ORC1: variants seen among roughly 807,000 people sequenced by gnomAD.
The protein encoded by ORC1 is origin recognition complex subunit 1.
ORC1 carries 61 observed loss-of-function variants against 98.9 expected under a neutral mutation model. The observed-to-expected ratio is 0.62, with a 90% confidence interval of 0.50 to 0.76. ORC1 has a LOEUF of 0.76. Among genes scored for constraint, ORC1 ranks in the 30% least tolerant of loss-of-function variants. ORC1 has a pLI of 0.00. For missense variants in ORC1, 979 were observed against 1,072.2 expected (o/e 0.91, Z 1.21); for synonymous variants, 385 against 406.9 (o/e 0.95, Z 0.65).
At chr1:52,409,408 T>C (rs1157929130), upstream of ORC1, 2 of 152,276 alleles carry the variant, frequency 1.3e-5, no homozygotes, top group East Asian at 3.9e-4. Flanking sequence ...GTCAGGAGTT[T>C]GAGACCAGCC....
intron 4 of ORC1, 117 bp from the exon 5 acceptor site, chr1:52,396,481 C>A: frequency 7.9e-7 from 1 of 1,258,288 alleles, no homozygotes; most frequent in Admixed American, 1.9e-5. Context: ...AAAATGTTAC[C>A]TTTCCAATCT....
In ORC1 at chr1:52,374,812, G is replaced by C; in HGVS notation, c.2389C>G (p.Gln797Glu). 1 of 1,606,838 alleles carries C rather than the reference G, an allele frequency of 6.2e-7. No homozygotes were observed. The highest frequency in any genetic ancestry group is 8.5e-7 in the Non-Finnish European group (1 of 1,173,312). ...ATTTGAAAAGAGGAGGAGATCACCT[G>C]TTGAAACGTGGCTTCCTCCAGTCCT... is the stretch of plus-strand genomic sequence containing the variant. ...RSGLEEATFQ[Q>E]IYSQHVALCR... The change falls in exon 16 of 17, where the codon CAG becomes GAG. Residue 797 changes from glutamine to glutamate, a missense_variant and splice_region_variant. By Grantham distance (29) the Gln-to-Glu change is conservative (BLOSUM62 2). Coordinates refer to ENST00000371568, the MANE Select transcript of ORC1 (RefSeq NM_004153.4).
chr1:52,408,886 C>A, upstream of ORC1: 1 of 533,004 alleles, frequency 1.9e-6, no homozygotes, highest in Non-Finnish European at 3.2e-6. Context: ...CCTTACCCAG[C>A]CTGCCTCTGT....
rs367621213 is a variant in ORC1, at chr1:52,401,394, T to C, written c.191A>G (p.Tyr64Cys). The C allele has an allele frequency of 3.7e-6, 6 of 1,613,862 alleles. No homozygotes were observed. Among genetic ancestry groups the C allele is most frequent in the East Asian group, 2.2e-5 (1 of 44,872 alleles). Residue 64 changes from tyrosine to cysteine, a missense_variant, in exon 3 of 17, where the codon TAT (tyrosine) becomes TGT (cysteine). Transcript: ENST00000371568. ...LIEGDDDENP[Y>C]VAKLLELFED... ...GAACAACTCAAGCAATTTAGCAACA[T>C]ACGGGTTTTCATCATCATCCCCTTC...
intron 13 of ORC1, among the ~76,000 whole-genome samples, chr1:52,383,066 T>G (rs1490425199): frequency 6.6e-6 from 1 of 152,120 alleles, no homozygotes; most frequent in African/African-American, 2.4e-5. Context: ...AGTATTCATT[T>G]TTGCAGAACT....
chr1:52,401,243 G>T, intron 3 of ORC1, 119 bp downstream of exon 3: 3 of 1,290,374 alleles, frequency 2.3e-6, no homozygotes, highest in Non-Finnish European at 3.4e-6. Context: ...TAGTTCTTAC[G>T]TGATCCCACC....
chr1:52,401,331 G>A (rs370523424), intron 3 of ORC1, 31 bp downstream of exon 3: 8 of 1,613,288 alleles, frequency 5.0e-6, no homozygotes, highest in Non-Finnish European at 6.8e-6. Flanking sequence ...TCATGACAAG[G>A]AATGGTTTAT....
Position 52,381,763 on chromosome 1 carries a change from T to C in ORC1, c.2014-2A>G, listed in dbSNP as rs756240087. On this transcript the variant is annotated splice_acceptor_variant, in intron 13 of 16. Coordinates refer to ENST00000371568, the MANE Select transcript of ORC1 (RefSeq NM_004153.4). LOFTEE classifies it high-confidence loss of function. ...CTGGAAGCACATCCTGGTAAGACCC[T>C]GGGGAGCCAAAATGACAGAGGAATA... The C allele has an allele frequency of 1.2e-6, 2 of 1,612,734 alleles. No homozygotes were observed. The highest frequency in any genetic ancestry group is 1.7e-6 in the Non-Finnish European group (2 of 1,179,138).
upstream of ORC1, among the ~76,000 whole-genome samples, chr1:52,406,488 G>A (rs917369998): frequency 2.0e-5 from 3 of 152,216 alleles, no homozygotes; most frequent in Admixed American, 6.5e-5. Flanking sequence ...AGAGGTGTAA[G>A]ATCTGGGTTC....
intron 4 of ORC1, among the ~76,000 whole-genome samples, chr1:52,396,773 C>T (rs1012421320): frequency 3.3e-5 from 5 of 152,176 alleles, no homozygotes; most frequent in African/African-American, 4.8e-5. Flanking sequence ...CCATTCTGTT[C>T]GCCTATGCCA....
chr1:52,388,396 T>C, intron 8 of ORC1, 46 bp downstream of exon 8: 6 of 1,501,732 alleles, frequency 4.0e-6, no homozygotes, highest in Middle Eastern at 1.7e-4. Flanking sequence ...ACTTTTAAAC[T>C]AAGAGAGGGA....
chr1:52,397,548 G>A (rs1172356649), intron 4 of ORC1, 137 bp downstream of exon 4: 1 of 833,838 alleles, frequency 1.2e-6, no homozygotes, highest in African/African-American at 1.7e-5. Flanking sequence ...GAAACAGACA[G>A]GCAAGCACAG....
Position 52,373,480 on chromosome 1 carries a change from A to G in ORC1, c.2392-105T>C, listed in dbSNP as rs45468005. The G allele has an allele frequency of 8.9e-4, 838 of 946,364 alleles. 3 individuals carry two copies. The highest frequency in any genetic ancestry group is 1.3e-3 in the Non-Finnish European group (778 of 606,208). The allele number at this position is 946,364 out of a possible 1,614,324, so 58.6% of individuals were successfully genotyped here. A position where few individuals can be genotyped will look rare whatever the true frequency, so the allele number is the denominator to read the frequency against. ...GAAAATCAGACACATGGCCCCCAGG[A>G]TATCAAACACTCCAGAAGGCATCAG... On this transcript the variant is annotated intron_variant, in intron 16 of 16. Coordinates refer to ENST00000371568, the MANE Select transcript of ORC1 (RefSeq NM_004153.4).
In ORC1 at chr1:52,396,201, G is replaced by A. The variant is rs771944224; in HGVS notation, c.566C>T (p.Pro189Leu). The A allele has an allele frequency of 6.2e-7, 1 of 1,614,108 alleles. No homozygotes were observed. Among genetic ancestry groups the A allele is most frequent in the Non-Finnish European group, 8.5e-7 (1 of 1,180,018 alleles). ...TGCACTCTTACTCTTGGCTCTCACG[G>A]GTTTCTGGCACTTGGCTGCACTCTC... ...PQESAAKCQK[P>L]VRAKSKSAES... Residue 189 changes from proline to leucine, a missense_variant, in exon 5 of 17, where the codon CCC (proline) becomes CTC (leucine). By Grantham distance (98) the Pro-to-Leu change is moderately conservative. Transcript: ENST00000371568.
intron 3 of ORC1, among the ~76,000 whole-genome samples, chr1:52,398,911 C>G (rs1402577618): frequency 1.1e-4 from 17 of 152,130 alleles, no homozygotes. Context: ...AATAACCCTA[C>G]AAGGTAGGTA....
chr1:52,401,843 CATCT>C (rs1223699587), intron 2 of ORC1, among the ~76,000 whole-genome samples: 1 of 152,168 alleles, frequency 6.6e-6, no homozygotes, highest in Non-Finnish European at 1.5e-5. Flanking sequence ...ATAGTAAAAA[CATCT>C]ATCATCTCGT....
At chr1:52,392,397 G>C (rs1647233774) in intron 6 of ORC1, among the ~76,000 whole-genome samples, 1 of 152,006 alleles carries the variant, frequency 6.6e-6, no homozygotes, top group South Asian at 2.1e-4. Context: ...CAAAGTGCTA[G>C]GATTACAGGA....
chr1:52,386,057 G>A lies in ORC1; in HGVS notation c.1384-108C>T, dbSNP rs78572338. On this transcript the variant is annotated intron_variant, in intron 8 of 16. Coordinates refer to ENST00000371568, the MANE Select transcript of ORC1 (RefSeq NM_004153.4). The stretch of plus-strand genomic sequence containing the variant: ...ATCTGATAAAAGGAAGAGAGGTGGT[G>A]AATTCCTCTTAGTTCCTTCCTGGAT... 251,536 of 814,970 alleles carry A rather than the reference G, an allele frequency of 0.31. 44,725 individuals carry two copies. The highest frequency in any genetic ancestry group is 0.38 in the Non-Finnish European group (181,183 of 476,718). The allele number at this position is 814,970 out of a possible 1,614,324, so 50.5% of individuals were successfully genotyped here. A position where few individuals can be genotyped will look rare whatever the true frequency, so the allele number is the denominator to read the frequency against.
intron 4 of ORC1, 88 bp from the exon 5 acceptor site, chr1:52,396,452 G>A: frequency 6.6e-7 from 1 of 1,517,766 alleles, no homozygotes; most frequent in East Asian, 2.3e-5. Flanking sequence ...TAAAAACATT[G>A]AAGTCCACAT....
Sources: gnomAD v4.1 joint callset for allele counts (sites outside exome capture counted in the v4.1 genomes callset) on GRCh38, gnomAD v4.1.1 for gene constraint, MANE v1.5 for transcripts, NCBI Gene and HGNC (gene_info 2026-07-23, HGNC 2026-07-21) for gene names.